MYO1H: variants seen among roughly 807,000 people sequenced by gnomAD.
MYO1H encodes the protein unconventional myosin-Ih.
Under a neutral mutation model 149.3 loss-of-function variants are expected in MYO1H, and 118 were observed. The observed-to-expected ratio is 0.79, with a 90% CI of 0.68 to 0.92. MYO1H has a LOEUF of 0.92. Among genes scored for constraint, MYO1H ranks in the 40% least tolerant of loss-of-function variants. MYO1H has a pLI of 0.00. For missense variants in MYO1H, 1,212 were observed against 1,280.7 expected (o/e 0.95, Z 0.82); for synonymous variants, 447 against 465.2 (o/e 0.96, Z 0.50).
At position 109,354,935 on chromosome 12, in the gene MYO1H, C is replaced by CA. The variant is rs575446442; in HGVS notation, c.12+6964dup. Among the ~76,000 whole-genome samples, 38 of 152,300 alleles carry CA rather than the reference C, an allele frequency of 2.5e-4. 1 individual carries two copies. In the South Asian group the frequency reaches 7.5e-3, roughly 30 times the overall value. On this transcript the variant is annotated intron_variant, in intron 1 of 31. Coordinates refer to ENST00000310903, the Ensembl canonical transcript of MYO1H. ...ACTCTCCAGAAGGAAGAGAAGAGAA[C>CA]AGGGGGCCTGTCCTCCTTGGCAAGG...
At chr12:109,369,310 C>T (rs1868933943) in intron 1 of MYO1H, among the ~76,000 whole-genome samples, 1 of 152,098 alleles carries the variant, frequency 6.6e-6, no homozygotes, top group Non-Finnish European at 1.5e-5. Flanking sequence ...TTTTCTCTAT[C>T]CAAGAGAATA....
intron 1 of MYO1H, among the ~76,000 whole-genome samples, chr12:109,359,751 C>T (rs528021892): frequency 3.3e-5 from 5 of 152,278 alleles, no homozygotes; most frequent in African/African-American, 1.2e-4. Flanking sequence ...ATGATTGTTG[C>T]GAAAAGGCCT....
chr12:109,335,685 T>C, the MYO1H span, among the ~76,000 whole-genome samples: 1 of 152,248 alleles, frequency 6.6e-6, no homozygotes, highest in Admixed American at 6.5e-5. Flanking sequence ...ACATTTTTTA[T>C]AATATTCAGT....
chr12:109,404,582 G>C (rs184668069), intron 7 of MYO1H, among the ~76,000 whole-genome samples: 1 of 152,282 alleles, frequency 6.6e-6, no homozygotes, highest in Non-Finnish European at 1.5e-5. Context: ...TCCAATTATT[G>C]CATGTGGGCA....
chr12:109,360,483 AT>A (rs908464250), intron 1 of MYO1H, among the ~76,000 whole-genome samples: 11 of 152,116 alleles, frequency 7.2e-5, no homozygotes, highest in African/African-American at 2.7e-4. Context: ...TTCACTAATA[AT>A]ATTGAGGACT....
the MYO1H span, among the ~76,000 whole-genome samples, chr12:109,331,957 C>T: frequency 1.3e-5 from 2 of 152,164 alleles, no homozygotes; most frequent in Admixed American, 6.5e-5. Flanking sequence ...TTTGGGTAAG[C>T]TATTTAACTC....
At chr12:109,436,649 C>G in intron 22 of MYO1H, 93 bp downstream of exon 22, 1 of 823,052 alleles carries the variant, frequency 1.2e-6, no homozygotes, top group Middle Eastern at 2.2e-4. Context: ...CCTGCTCATC[C>G]TTAAAACCTT....
exon 18 of MYO1H, chr12:109,425,970 C>T: frequency 6.2e-7 from 1 of 1,613,800 alleles, no homozygotes; most frequent in Non-Finnish European, 8.5e-7. Flanking sequence ...TAAAAACAGT[C>T]TGAGCAGCCT....
At chr12:109,441,637 G>C (rs772904619) in exon 26 of MYO1H, 21 of 1,612,346 alleles carry the variant, frequency 1.3e-5, no homozygotes, top group Non-Finnish European at 1.7e-5. Flanking sequence ...GTAGTTACAA[G>C]TGAAATCTTC....
chr12:109,352,138 C>T lies in MYO1H; in HGVS notation c.12+4166C>T, dbSNP rs369785582. On this transcript the variant is annotated intron_variant, in intron 1 of 31. Transcript: ENST00000310903. ...AATGGATTCCTTGTCGTCACATAAG[C>T]CTGGCTCTGTTCATAATACCACTTT... Among the ~76,000 whole-genome samples the T allele has an allele frequency of 1.4e-3, 206 of 152,226 alleles. 1 individual carries two copies. Among genetic ancestry groups the T allele is most frequent in the African/African-American group, 4.8e-3 (198 of 41,532 alleles).
exon 3 of MYO1H, chr12:109,393,332 C>T: frequency 6.4e-7 from 1 of 1,563,258 alleles, no homozygotes; most frequent in Non-Finnish European, 8.7e-7. Context: ...TTTCTCTAGA[C>T]ATATATTGGC....
chr12:109,407,757 T>G (rs767120478), intron 9 of MYO1H, 37 bp from the exon 10 acceptor site: 1 of 1,601,306 alleles, frequency 6.2e-7, no homozygotes, highest in East Asian at 2.2e-5. Context: ...GGCTTCTTTT[T>G]TCCACCTATA....
the MYO1H span, among the ~76,000 whole-genome samples, chr12:109,339,527 A>C: frequency 3.9e-5 from 6 of 152,240 alleles, no homozygotes; most frequent in Non-Finnish European, 8.8e-5. Flanking sequence ...ACAAATTGAA[A>C]ACAAATTTTG....
chr12:109,447,283 A>G, exon 32 of MYO1H: 1 of 1,043,406 alleles, frequency 9.6e-7, no homozygotes, highest in Non-Finnish European at 1.5e-6. Flanking sequence ...TCTTCAAGGT[A>G]CCAGGCCCGC....
At chr12:109,389,593 T>G (rs76168412) in intron 2 of MYO1H, among the ~76,000 whole-genome samples, 6,070 of 152,264 alleles carry the variant, frequency 0.04, 138 homozygotes, top group Middle Eastern at 0.054. Context: ...CTTCTCAGAT[T>G]GATCTTGTCA....
rs1333629674 is a variant in MYO1H at position 109,446,452 on chromosome 12, A to C, written c.3094-707A>C. On this transcript the variant is annotated intron_variant, in intron 31 of 31. Transcript: ENST00000310903. ...GAGTGTCTCATACACATTTAAATTTAAGTGGATTTACCTATAAAGTCATTT... is the reference window on the plus strand; with the variant it reads ...GAGTGTCTCATACACATTTAAATTTCAGTGGATTTACCTATAAAGTCATTT... The C allele has an allele frequency of 6.1e-6, 6 of 985,330 alleles. No individual in the cohort carries two copies. In the African/African-American group the frequency reaches 8.7e-5, roughly 14 times the overall value. The allele number at this position is 985,330 out of a possible 1,614,324, so 61.0% of individuals were successfully genotyped here.
chr12:109,315,734 C>A, the MYO1H span, among the ~76,000 whole-genome samples: 1 of 152,232 alleles, frequency 6.6e-6, no homozygotes, highest in East Asian at 1.9e-4. Flanking sequence ...ATCACCCAAT[C>A]CCAAGACTTG....
intron 15 of MYO1H, among the ~76,000 whole-genome samples, chr12:109,420,365 C>T (rs1270028074): frequency 1.3e-5 from 2 of 152,054 alleles, no homozygotes; most frequent in African/African-American, 4.8e-5. Flanking sequence ...TAAAGAACTA[C>T]CTGAGATTGG....
intron 19 of MYO1H, among the ~76,000 whole-genome samples, chr12:109,427,995 A>T: frequency 7.4e-6 from 1 of 134,696 alleles, no homozygotes; most frequent in East Asian, 2.3e-4. Flanking sequence ...CTGAGGTGGG[A>T]GGATCACCTG....
Sources: gnomAD v4.1 joint callset for allele counts (sites outside exome capture counted in the v4.1 genomes callset) on GRCh38, gnomAD v4.1.1 for gene constraint, MANE v1.5 for transcripts, NCBI Gene and HGNC (gene_info 2026-07-23, HGNC 2026-07-21) for gene names.